Variants in LAMC1 observed in about 807,000 individuals in gnomAD.
LAMC1 encodes the protein laminin subunit gamma 1.
In LAMC1, 38 loss-of-function variants were observed where a neutral mutation model predicts 173.6. The ratio of observed to expected loss-of-function variants is 0.22; its 90% CI spans 0.17 to 0.29. The LOEUF (loss-of-function observed/expected upper bound fraction) is 0.29, where lower values mean the gene tolerates loss of function less well. LAMC1 is among the 10% of genes least tolerant of loss of function. LAMC1 has a pLI of 1.00. For synonymous variants in LAMC1, 746 were observed against 749.1 expected (o/e 1.00, Z 0.07); for missense variants, 1,824 against 2,051.8 (o/e 0.89, Z 2.14).
intron 1 of LAMC1, among the ~76,000 whole-genome samples, chr1:183,093,065 G>A (rs1655605322): frequency 2.0e-5 from 3 of 152,162 alleles, no homozygotes; most frequent in Admixed American, 1.3e-4. Flanking sequence ...GATTGCTTGA[G>A]GCCAGGAGTT....
At chr1:183,067,535 C>T (rs1375043231) in intron 1 of LAMC1, among the ~76,000 whole-genome samples, 1 of 152,140 alleles carries the variant, frequency 6.6e-6, no homozygotes, top group Admixed American at 6.5e-5. Flanking sequence ...GTCACCCAGG[C>T]TGGAGTGCAG....
chr1:183,050,695 C>T (rs1471652571), intron 1 of LAMC1, among the ~76,000 whole-genome samples: 5 of 149,072 alleles, frequency 3.4e-5, no homozygotes, highest in African/African-American at 1.2e-4. Flanking sequence ...AGTTCGAGAC[C>T]AGCCTGACCA....
intron 1 of LAMC1, among the ~76,000 whole-genome samples, chr1:183,029,122 G>C (rs975330167): frequency 8.5e-5 from 13 of 152,182 alleles, no homozygotes; most frequent in Non-Finnish European, 1.6e-4. Context: ...TGAACAGATA[G>C]GATCCACTGC....
intron 1 of LAMC1, among the ~76,000 whole-genome samples, chr1:183,069,597 A>C (rs1199516474): frequency 6.6e-6 from 1 of 152,242 alleles, no homozygotes; most frequent in Non-Finnish European, 1.5e-5. Flanking sequence ...CCAGTGTGTC[A>C]GGGAATGCCT....
rs375246849 is a variant in LAMC1 at position 183,117,577 on chromosome 1, C to T, written c.1731C>T (p.Leu577=). The T allele has an allele frequency of 1.7e-4, 279 of 1,614,210 alleles. 4 individuals are homozygous for T. The South Asian group carries it at 2.9e-3, about 17-fold the overall frequency. ...GKQVLSYGQN[L]SFSFRVDRRD... ...AGGTGTTGAGTTATGGTCAGAACCT[C>T]TCCTTCTCCTTTCGAGTGGACAGGC... Residue 577 remains leucine (L), a synonymous_variant, in exon 10 of 28, where the codon CTC becomes CTT. Coordinates refer to ENST00000258341, the MANE Select transcript of LAMC1 (RefSeq NM_002293.4).
intron 1 of LAMC1, among the ~76,000 whole-genome samples, chr1:183,062,919 C>T (rs191045554): frequency 2.0e-5 from 3 of 152,256 alleles, no homozygotes; most frequent in African/African-American, 7.2e-5. Flanking sequence ...CACCACTGCA[C>T]TCCAGCCTGG....
At chr1:183,137,999 C>T in intron 26 of LAMC1, 172 bp downstream of exon 26, 1 of 613,230 alleles carries the variant, frequency 1.6e-6, no homozygotes, top group Admixed American at 4.1e-5. Context: ...TTTGGATCTT[C>T]TGCCAGGTAA....
intron 11 of LAMC1, among the ~76,000 whole-genome samples, chr1:183,118,460 C>T (rs1457978986): frequency 6.6e-6 from 1 of 152,142 alleles, no homozygotes; most frequent in Non-Finnish European, 1.5e-5. Flanking sequence ...CAGTTGCTTA[C>T]ACCTGTAATC....
At chr1:183,065,946 A>G (rs898028177) in intron 1 of LAMC1, among the ~76,000 whole-genome samples, 2 of 152,214 alleles carry the variant, frequency 1.3e-5, no homozygotes, top group Admixed American at 6.5e-5. Flanking sequence ...AAAATAAGGT[A>G]TTACTTTATC....
intron 1 of LAMC1, among the ~76,000 whole-genome samples, chr1:183,085,024 C>T (rs1655388949): frequency 6.6e-6 from 1 of 152,142 alleles, no homozygotes; most frequent in South Asian, 2.1e-4. Flanking sequence ...CGAGACCAGC[C>T]TGGCCAACAT....
chr1:183,127,790 CA>C (rs1656661731), intron 17 of LAMC1, among the ~76,000 whole-genome samples: 1 of 152,064 alleles, frequency 6.6e-6, no homozygotes, highest in Admixed American at 6.6e-5. Flanking sequence ...CTGCTGAGTG[CA>C]GAGGGTGTGT....
intron 1 of LAMC1, among the ~76,000 whole-genome samples, chr1:183,025,792 C>T (rs1270341200): frequency 6.6e-6 from 1 of 152,138 alleles, no homozygotes; most frequent in Non-Finnish European, 1.5e-5. Context: ...TCTCAGATGC[C>T]TGAAATTCAA....
intron 4 of LAMC1, among the ~76,000 whole-genome samples, chr1:183,111,559 C>T (rs548616751): frequency 1.3e-5 from 2 of 152,080 alleles, no homozygotes; most frequent in East Asian, 3.9e-4. Flanking sequence ...AAACTTGAAA[C>T]ATTGTTTATC....
Position 183,115,607 on chromosome 1 carries a change from G to C in LAMC1, c.1298G>C (p.Gly433Ala), listed in dbSNP as rs772345553. Residue 433 changes from glycine to alanine, a missense_variant, in exon 6 of 28, where the codon GGA (glycine) becomes GCA (alanine). Physicochemically the swap from Gly to Ala is moderately conservative, Grantham distance 60. Coordinates refer to ENST00000258341, the MANE Select transcript of LAMC1 (RefSeq NM_002293.4). Reference sequence around the variant, plus strand: ...GACAAATGTGACCGTTGCCAGCCTGGATTCCATTCTCTCACTGAAGCAGGA... The same window carrying C: ...GACAAATGTGACCGTTGCCAGCCTGCATTCCATTCTCTCACTGAAGCAGGA... ...MGDKCDRCQPGFHSLTEAGCR... is the reference protein window; with the variant it reads ...MGDKCDRCQPAFHSLTEAGCR... The C allele has an allele frequency of 2.5e-6, 4 of 1,613,676 alleles. No homozygotes were observed. In the East Asian group the frequency reaches 8.9e-5, roughly 36 times the overall value.
In LAMC1 at chr1:183,024,011, C is replaced by A. The variant is rs1244716315; in HGVS notation, c.295C>A (p.Leu99Met). 2.5e-6 allele frequency: 4 copies of A among 1,612,998 alleles called. No individual in the cohort carries two copies. The African/African-American group carries it at 5.3e-5, about 22-fold the overall frequency. The change falls in exon 1 of 28, where the codon CTG becomes ATG. Residue 99 changes from leucine (L) to methionine (M), a missense_variant. Physicochemically the swap from Leu to Met is conservative, Grantham distance 15 (BLOSUM62 2). Transcript: ENST00000258341. ...CCTGTGCGACGCCGGGCAGCCCCAC[C>A]TGCAGCACGGGGCAGCCTTCCTGAC... Reference protein sequence around the residue: ...CHLCDAGQPHLQHGAAFLTDY... With the variant: ...CHLCDAGQPHMQHGAAFLTDY...
intron 26 of LAMC1, 73 bp from the exon 27 acceptor site, chr1:183,140,331 G>T: frequency 1.3e-6 from 1 of 760,142 alleles, no homozygotes; most frequent in Non-Finnish European, 2.0e-6. Context: ...GATTTGTTGG[G>T]TCATTGGGAA....
chr1:183,107,240 A>G (rs1389526238), intron 2 of LAMC1, among the ~76,000 whole-genome samples: 1 of 152,174 alleles, frequency 6.6e-6, no homozygotes, highest in Non-Finnish European at 1.5e-5. Flanking sequence ...ACAAAATAGA[A>G]ATTTCCTGCC....
At chr1:183,028,047 C>T (rs1336611983) in intron 1 of LAMC1, among the ~76,000 whole-genome samples, 1 of 152,130 alleles carries the variant, frequency 6.6e-6, no homozygotes, top group Non-Finnish European at 1.5e-5. Context: ...TGGCTGCTTT[C>T]CTGTTCTACA....
At chr1:183,026,772 C>T (rs914398019) in intron 1 of LAMC1, among the ~76,000 whole-genome samples, 2 of 151,592 alleles carry the variant, frequency 1.3e-5, no homozygotes, top group Non-Finnish European at 3.0e-5. Flanking sequence ...ATACAGTAAA[C>T]TTTAAAATAA....
Sources: gnomAD v4.1 joint callset for allele counts (sites outside exome capture counted in the v4.1 genomes callset) on GRCh38, gnomAD v4.1.1 for gene constraint, MANE v1.5 for transcripts, NCBI Gene and HGNC (gene_info 2026-07-23, HGNC 2026-07-21) for gene names.